The following SGCZ variants were observed in gnomAD, a reference collection of about 807,000 sequenced individuals.
SGCZ encodes zeta-sarcoglycan.
SGCZ carries 40 observed loss-of-function variants against 41.3 expected under a neutral mutation model. That is an observed-to-expected ratio of 0.97 (90% CI 0.75 to 1.26). The LOEUF is 1.26. Ranked by LOEUF, SGCZ falls within the 50% of genes most tolerant of loss-of-function variation. The probability of loss-of-function intolerance (pLI) is 0.00; values close to 1 mark genes in which losing one functional copy is unlikely to be tolerated. For missense variants in SGCZ, 552 were observed against 369.8 expected, an observed-to-expected ratio of 1.49 and a Z score of -4.04; for synonymous variants, 206 against 137.5, an observed-to-expected ratio of 1.50 and a Z score of -3.49.
intron 1 of SGCZ, among the ~76,000 whole-genome samples, chr8:14,967,544 C>T (rs1801161166): frequency 6.6e-6 from 1 of 152,266 alleles, no homozygotes; most frequent in East Asian, 1.9e-4. Context: ...TATTTGACAT[C>T]AAGTTTTCTA....
chr8:14,291,224 G>T (rs1800830519), intron 3 of SGCZ, among the ~76,000 whole-genome samples: 1 of 151,998 alleles, frequency 6.6e-6, no homozygotes, highest in Non-Finnish European at 1.5e-5. Context: ...TAAGTTCTAG[G>T]TATCTATTGC....
chr8:14,773,958 G>C (rs530585900), intron 1 of SGCZ, among the ~76,000 whole-genome samples: 6 of 152,308 alleles, frequency 3.9e-5, no homozygotes, highest in African/African-American at 1.4e-4. Context: ...ATAGCCAGAA[G>C]TTTTCAAATA....
At chr8:14,330,865 A>G (rs1802293822) in intron 2 of SGCZ, among the ~76,000 whole-genome samples, 1 of 152,142 alleles carries the variant, frequency 6.6e-6, no homozygotes, top group South Asian at 2.1e-4. Context: ...AAATCTGATG[A>G]ATGATTTATC....
intron 1 of SGCZ, among the ~76,000 whole-genome samples, chr8:15,022,913 C>G (rs1240681290): frequency 1.3e-5 from 2 of 152,134 alleles, no homozygotes; most frequent in African/African-American, 4.8e-5. Flanking sequence ...GTTTCACAGC[C>G]AGTGTGTGGC....
At chr8:14,909,998 A>T (rs1223385148) in intron 1 of SGCZ, among the ~76,000 whole-genome samples, 2 of 152,108 alleles carry the variant, frequency 1.3e-5, no homozygotes, top group African/African-American at 4.8e-5. Context: ...CTCCATTTTT[A>T]ATGCATTGGC....
At chr8:14,959,423 G>C (rs969423098) in intron 1 of SGCZ, among the ~76,000 whole-genome samples, 4 of 152,126 alleles carry the variant, frequency 2.6e-5, no homozygotes, top group African/African-American at 4.8e-5. Flanking sequence ...ATCGTACATA[G>C]AGTACCCTCC....
At chr8:14,650,419 G>A (rs1210009628) in intron 1 of SGCZ, among the ~76,000 whole-genome samples, 1 of 151,930 alleles carries the variant, frequency 6.6e-6, no homozygotes, top group South Asian at 2.1e-4. Flanking sequence ...TCATGTCATG[G>A]GGGTTTGTTG....
chr8:14,419,421 A>T (rs1291389454), intron 2 of SGCZ, among the ~76,000 whole-genome samples: 1 of 151,840 alleles, frequency 6.6e-6, no homozygotes, highest in Admixed American at 6.6e-5. Flanking sequence ...TTTCAAATTT[A>T]TCCTCTATGA....
chr8:15,195,216 T>C (rs1800683829), intron 1 of SGCZ, among the ~76,000 whole-genome samples: 1 of 152,174 alleles, frequency 6.6e-6, no homozygotes, highest in African/African-American at 2.4e-5. Context: ...CCGGGTACCC[T>C]GCAGTTTTCT....
chr8:14,404,958 C>T (rs1429459321), intron 2 of SGCZ, among the ~76,000 whole-genome samples: 2 of 152,168 alleles, frequency 1.3e-5, no homozygotes, highest in East Asian at 1.9e-4. Context: ...TTAAATCCTC[C>T]GGGTTGCAGA....
intron 6 of SGCZ, among the ~76,000 whole-genome samples, chr8:14,105,769 C>T (rs1279222830): frequency 2.0e-5 from 3 of 151,982 alleles, no homozygotes; most frequent in Non-Finnish European, 2.9e-5. Flanking sequence ...ATATCATTCG[C>T]ATTTTCACTT....
chr8:15,222,399 G>A lies in SGCZ; in HGVS notation c.39+15186C>T, dbSNP rs541654628. Among the ~76,000 whole-genome samples, 13 of 152,056 alleles carry A rather than the reference G, an allele frequency of 8.5e-5. No individual in the cohort carries two copies. The South Asian group carries it at 2.3e-3, about 27-fold the overall frequency. ...CAGCATTAATGACAAGGCTTAACTGGGAGGCACTTCCAGTTTTTCTGTCAT... is the reference window on the plus strand; with the variant it reads ...CAGCATTAATGACAAGGCTTAACTGAGAGGCACTTCCAGTTTTTCTGTCAT... On this transcript the variant is annotated intron_variant, in intron 1 of 7. Transcript: ENST00000382080.
At chr8:15,192,340 C>T (rs768421091) in intron 1 of SGCZ, among the ~76,000 whole-genome samples, 32 of 151,964 alleles carry the variant, frequency 2.1e-4, no homozygotes, top group Non-Finnish European at 5.9e-5. Context: ...AGTACGCATA[C>T]AAATTTTTCT....
chr8:14,214,934 C>T (rs978787283), intron 4 of SGCZ, among the ~76,000 whole-genome samples: 1 of 152,078 alleles, frequency 6.6e-6, no homozygotes, highest in African/African-American at 2.4e-5. Context: ...TACTTCAATA[C>T]CACACTTGCA....
chr8:14,265,425 C>T (rs1799835030), intron 3 of SGCZ, among the ~76,000 whole-genome samples: 1 of 152,120 alleles, frequency 6.6e-6, no homozygotes, highest in African/African-American at 2.4e-5. Flanking sequence ...TCCTGGAAAA[C>T]GCTGGATCTC....
At chr8:14,825,973 A>G (rs1334822377) in intron 1 of SGCZ, among the ~76,000 whole-genome samples, 1 of 152,008 alleles carries the variant, frequency 6.6e-6, no homozygotes, top group Non-Finnish European at 1.5e-5. Flanking sequence ...GTTTTAGGGT[A>G]CATGTGCACA....
intron 7 of SGCZ, among the ~76,000 whole-genome samples, chr8:14,098,402 G>T (rs780964884): frequency 6.6e-6 from 1 of 152,176 alleles, no homozygotes; most frequent in Non-Finnish European, 1.5e-5. Flanking sequence ...ATGGATGTTG[G>T]GTCTCATTTC....
chr8:14,824,979 C>T (rs773002842), intron 1 of SGCZ, among the ~76,000 whole-genome samples: 7 of 152,072 alleles, frequency 4.6e-5, no homozygotes, highest in African/African-American at 9.7e-5. Flanking sequence ...ACAAGACCAA[C>T]ACATATCCCT....
intron 2 of SGCZ, among the ~76,000 whole-genome samples, chr8:14,473,027 T>G (rs75377847): frequency 0.055 from 8,323 of 152,136 alleles, 741 homozygotes; most frequent in African/African-American, 0.19. Context: ...TAAATAGTAT[T>G]TTACATTTCA....
Sources: allele counts gnomAD v4.1 joint callset (sites outside exome capture counted in the v4.1 genomes callset), GRCh38; gene constraint gnomAD v4.1.1; transcripts MANE v1.5; gene names NCBI Gene and HGNC (gene_info 2026-07-23, HGNC 2026-07-21).